ZNF865: variants seen among roughly 807,000 people sequenced by gnomAD.
ZNF865 encodes zinc finger protein 865.
For synonymous variants in ZNF865, 763 were observed against 750.8 expected, an observed-to-expected ratio of 1.02 and a Z score of -0.27; for missense variants, 1,311 against 1,593.4, an observed-to-expected ratio of 0.82 and a Z score of 3.02.
intron 1 of ZNF865, among the ~76,000 whole-genome samples, chr19:55,606,001 C>T (rs910392278): frequency 6.6e-6 from 1 of 152,126 alleles, no homozygotes; most frequent in African/African-American, 2.4e-5. Flanking sequence ...CAAATGATAC[C>T]TCCTCGTAGG....
Position 55,616,876 on chromosome 19 carries a change from C to T in ZNF865, c.*78C>T, listed in dbSNP as rs1313498652. 2.9e-6 allele frequency: 4 copies of T among 1,365,462 alleles called. No homozygotes were observed. Among genetic ancestry groups the T allele is most frequent in the Non-Finnish European group, 3.8e-6 (4 of 1,051,990 alleles). 84.6% of individuals were successfully genotyped at this position (1,365,462 alleles called of 1,614,324 possible). A position where few individuals can be genotyped will look rare whatever the true frequency, so the allele number is the denominator to read the frequency against. ...TCCCAGGACTGATCAGACTCTTCCC[C>T]CCTCCTCGCTGTTGCCCCATCCTTC... On this transcript the variant is annotated 3_prime_UTR_variant, in exon 2 of 2. Transcript: ENST00000568956.
chr19:55,614,910 G>A lies in ZNF865; in HGVS notation c.1292G>A (p.Gly431Glu), dbSNP rs764796680. The A allele has an allele frequency of 6.7e-6, 10 of 1,486,846 alleles. No homozygotes were observed. The South Asian group carries it at 9.1e-5, about 14-fold the overall frequency. 92.1% of individuals were successfully genotyped at this position (1,486,846 alleles called of 1,614,324 possible). A position where few individuals can be genotyped will look rare whatever the true frequency, so the allele number is the denominator to read the frequency against. ...CTCAAGCACCAGGCGGCCCACGCGG[G>A]GGCGGGCGCCGGGGGGCCTCGGCCC... ...YLLKHQAAHA[G>E]AGAGGPRPVY... The change falls in exon 2 of 2, where the codon GGG becomes GAG. Residue 431 changes from glycine to glutamate, a missense_variant. Coordinates refer to ENST00000568956, the MANE Select transcript of ZNF865 (RefSeq NM_001195605.2). The surrounding 1 kb of genome is among the most constrained non-coding windows in gnomAD (Gnocchi z 8.0).
At chr19:55,609,413 G>A (rs1981054955) in intron 1 of ZNF865, among the ~76,000 whole-genome samples, 1 of 152,166 alleles carries the variant, frequency 6.6e-6, no homozygotes, top group African/African-American at 2.4e-5. Context: ...GGGTTACTGG[G>A]AGGATTCGTT....
chr19:55,612,404 A>G (rs1981171364), intron 1 of ZNF865: 1 of 151,828 alleles, frequency 6.6e-6, no homozygotes, highest in African/African-American at 2.4e-5. Flanking sequence ...AAAAGAGTGC[A>G]CTCCCCATAC....
In ZNF865 at chr19:55,616,864, C is replaced by G. The variant is rs1260431615; in HGVS notation, c.*66C>G. The G allele has an allele frequency of 7.2e-7, 1 of 1,390,740 alleles. No individual in the cohort carries two copies. Among genetic ancestry groups the G allele is most frequent in the Non-Finnish European group, 9.3e-7 (1 of 1,070,396 alleles). The allele number at this position is 1,390,740 out of a possible 1,614,324, so 86.1% of individuals were successfully genotyped here. On this transcript the variant is annotated 3_prime_UTR_variant, in exon 2 of 2. Coordinates refer to ENST00000568956, the MANE Select transcript of ZNF865 (RefSeq NM_001195605.2). ...TGGACTCCCACCTCCCAGGACTGAT[C>G]AGACTCTTCCCCCCTCCTCGCTGTT...
At position 55,615,619 on chromosome 19, in the gene ZNF865, G is replaced by A. The variant is rs1381863430; in HGVS notation, c.2001G>A (p.Leu667=). 2 of 1,534,214 alleles carry A rather than the reference G, an allele frequency of 1.3e-6. No homozygotes were observed. Among genetic ancestry groups the A allele is most frequent in the Non-Finnish European group, 1.7e-6 (2 of 1,146,156 alleles). ...SGTSAGPTDG[L]SYACSDCGEH... ...CGTCTGCAGGGCCCACCGATGGGCT[G>A]AGCTACGCCTGCTCGGACTGCGGCG... is the stretch of plus-strand genomic sequence containing the variant. The change falls in exon 2 of 2, where the codon CTG becomes CTA. Residue 667 remains leucine (L), a synonymous_variant. Coordinates refer to ENST00000568956, the MANE Select transcript of ZNF865 (RefSeq NM_001195605.2).
intron 1 of ZNF865, chr19:55,612,725 G>A (rs1292057734): frequency 6.6e-6 from 1 of 152,174 alleles, no homozygotes; most frequent in African/African-American, 2.4e-5. Flanking sequence ...TAAGAGCCTT[G>A]CACATATGTG....
In ZNF865 at chr19:55,614,470, G is replaced by A. The variant is rs1265369190; in HGVS notation, c.852G>A (p.Pro284=). Residue 284 remains proline, a synonymous_variant, in exon 2 of 2, where the codon CCG becomes CCA. Coordinates refer to ENST00000568956, the MANE Select transcript of ZNF865 (RefSeq NM_001195605.2). The surrounding 1 kb of genome is among the most constrained non-coding windows in gnomAD (Gnocchi z 8.0). The part of the protein sequence containing the change: ...HKDVPPAAGG[P]PQPGPHLPPL... ...ACGTGCCACCGGCCGCGGGGGGCCCGCCCCAGCCCGGCCCCCACCTCCCGC... is the reference window on the plus strand; with the variant it reads ...ACGTGCCACCGGCCGCGGGGGGCCCACCCCAGCCCGGCCCCCACCTCCCGC... 2.6e-6 allele frequency: 3 copies of A among 1,172,934 alleles called. No homozygotes were observed. Among genetic ancestry groups the A allele is most frequent in the South Asian group, 1.6e-5 (1 of 63,034 alleles). The allele number at this position is 1,172,934 out of a possible 1,614,324, so 72.7% of individuals were successfully genotyped here.
chr19:55,615,903 C>T lies in ZNF865; in HGVS notation c.2285C>T (p.Ala762Val), dbSNP rs552114347. Reference sequence around the variant, plus strand: ...GCGGGGGAGGTGGGGGCGGCCGTGGCGGCACTGGCAGGGGTGTCTGGGGGT... The same window carrying T: ...GCGGGGGAGGTGGGGGCGGCCGTGGTGGCACTGGCAGGGGTGTCTGGGGGT... ...GLAGEVGAAV[A>V]ALAGVSGGED... is the part of the protein sequence containing the mutation. The change falls in exon 2 of 2, where the codon GCG (alanine) becomes GTG (valine). Residue 762 changes from alanine (A) to valine (V), a missense_variant. By Grantham distance (64) the Ala-to-Val change is moderately conservative. Coordinates refer to ENST00000568956, the MANE Select transcript of ZNF865 (RefSeq NM_001195605.2). 8.7e-4 allele frequency: 1,286 copies of T among 1,473,176 alleles called. 1 individual carries two copies. Among genetic ancestry groups the T allele is most frequent in the Non-Finnish European group, 1.0e-3 (1,171 of 1,119,952 alleles). 91.3% of individuals were successfully genotyped at this position (1,473,176 alleles called of 1,614,324 possible). A position where few individuals can be genotyped will look rare whatever the true frequency, so the allele number is the denominator to read the frequency against.
In ZNF865 at chr19:55,616,912, A is replaced by C; in HGVS notation, c.*114A>C. On this transcript the variant is annotated 3_prime_UTR_variant, in exon 2 of 2. Coordinates refer to ENST00000568956, the MANE Select transcript of ZNF865 (RefSeq NM_001195605.2). The stretch of plus-strand genomic sequence containing the variant: ...GTTGCCCCATCCTTCAGAACTTCAC[A>C]CGGACTGGCGACCTTCAGGGCGCAC... 7 of 1,186,742 alleles carry C rather than the reference A, an allele frequency of 5.9e-6. No individual in the cohort carries two copies. The highest frequency in any genetic ancestry group is 7.8e-6 in the Non-Finnish European group (7 of 899,634). 73.5% of individuals were successfully genotyped at this position (1,186,742 alleles called of 1,614,324 possible). A position where few individuals can be genotyped will look rare whatever the true frequency, so the allele number is the denominator to read the frequency against.
At chr19:55,610,403 G>A (rs1448667099) in intron 1 of ZNF865, among the ~76,000 whole-genome samples, 1 of 152,180 alleles carries the variant, frequency 6.6e-6, no homozygotes, top group African/African-American at 2.4e-5. Flanking sequence ...TGGGATTACA[G>A]GCGCCCACCA....
chr19:55,612,009 A>G (rs1981154655), intron 1 of ZNF865, among the ~76,000 whole-genome samples: 1 of 152,076 alleles, frequency 6.6e-6, no homozygotes, highest in Non-Finnish European at 1.5e-5. Context: ...CACTAAGGGC[A>G]AGGACATGGG....
chr19:55,613,906 G>A lies in ZNF865; in HGVS notation c.288G>A (p.Ser96=). ...KPKAEVPSSS[S]SSSSSSSSSS... ...AGGCGGAGGTGCCCTCCTCGTCCTCGTCCTCGTCCTCCTCCTCCTCCTCTT... is the reference window on the plus strand; with the variant it reads ...AGGCGGAGGTGCCCTCCTCGTCCTCATCCTCGTCCTCCTCCTCCTCCTCTT... The change falls in exon 2 of 2, where the codon TCG becomes TCA. Residue 96 remains serine (S), a synonymous_variant. Transcript: ENST00000568956. 6.6e-7 allele frequency: 1 copy of A among 1,517,608 alleles called. No individual in the cohort carries two copies. Among genetic ancestry groups the A allele is most frequent in the South Asian group, 1.2e-5 (1 of 83,332 alleles). The allele number at this position is 1,517,608 out of a possible 1,614,324, so 94.0% of individuals were successfully genotyped here. A position where few individuals can be genotyped will look rare whatever the true frequency, so the allele number is the denominator to read the frequency against.
Position 55,605,955 on chromosome 19 carries a change from A to G in ZNF865, c.-27+223A>G, listed in dbSNP as rs368668375. Among the ~76,000 whole-genome samples the G allele has an allele frequency of 5.3e-5, 8 of 152,010 alleles. 1 individual carries two copies. In the South Asian group the frequency reaches 1.0e-3, roughly 20 times the overall value. On this transcript the variant is annotated intron_variant, in intron 1 of 1. Coordinates refer to ENST00000568956, the MANE Select transcript of ZNF865 (RefSeq NM_001195605.2). ...CTAGGATGGCTGCCAAAGCGCTTTC[A>G]TTCGTGGCGATCCCCTAAACGGCTG...
Position 55,615,846 on chromosome 19 carries a change from C to T in ZNF865, c.2228C>T (p.Thr743Met), listed in dbSNP as rs1206258009. The change falls in exon 2 of 2, where the codon ACG (threonine) becomes ATG (methionine). Residue 743 changes from threonine (T) to methionine (M), a missense_variant. Physicochemically the swap from Thr to Met is moderately conservative, Grantham distance 81. Coordinates refer to ENST00000568956, the MANE Select transcript of ZNF865 (RefSeq NM_001195605.2). ...GLQPPDGSSG[T>M]DAASVLDNGL... ...CAGCCCCCGGACGGCTCCAGCGGCA[C>T]GGATGCGGCCAGCGTGCTGGACAAC... 4.7e-6 allele frequency: 7 copies of T among 1,496,182 alleles called. No individual in the cohort carries two copies. The highest frequency in any genetic ancestry group is 5.2e-5 in the East Asian group (2 of 38,564). The allele number at this position is 1,496,182 out of a possible 1,614,324, so 92.7% of individuals were successfully genotyped here.
rs1317640565 is a variant in ZNF865, at chr19:55,615,319, C to G, written c.1701C>G (p.Arg567=). The change falls in exon 2 of 2, where the codon CGC becomes CGG. Residue 567 remains arginine, a synonymous_variant. Transcript: ENST00000568956. ...RGFGRRETLK[R]HERIHTGEKP... ...TCGGGCGCCGCGAGACCCTGAAGCG[C>G]CATGAGCGCATCCACACGGGCGAGA... 6.6e-7 allele frequency: 1 copy of G among 1,525,562 alleles called. No homozygotes were observed. The allele number at this position is 1,525,562 out of a possible 1,614,324, so 94.5% of individuals were successfully genotyped here.
intron 1 of ZNF865, among the ~76,000 whole-genome samples, chr19:55,608,151 C>T (rs1204661001): frequency 1.3e-5 from 2 of 151,904 alleles, no homozygotes; most frequent in African/African-American, 4.8e-5. Context: ...GACAGTTGAC[C>T]AAAGATGGGG....
Position 55,616,230 on chromosome 19 carries a change from C to T in ZNF865, c.2612C>T (p.Thr871Met). ...ALLMRHQRCHTEQRPYRCGVC... is the reference protein window; with the variant it reads ...ALLMRHQRCHMEQRPYRCGVC... Reference sequence around the variant, plus strand: ...CTGATGCGCCACCAGCGCTGCCACACGGAACAGCGGCCGTACCGATGTGGC... The same window carrying T: ...CTGATGCGCCACCAGCGCTGCCACATGGAACAGCGGCCGTACCGATGTGGC... The change falls in exon 2 of 2, where the codon ACG becomes ATG. Residue 871 changes from threonine (T) to methionine (M), a missense_variant. Physicochemically the swap from Thr to Met is moderately conservative, Grantham distance 81 (BLOSUM62 -1). Coordinates refer to ENST00000568956, the MANE Select transcript of ZNF865 (RefSeq NM_001195605.2). 6.6e-7 allele frequency: 1 copy of T among 1,523,932 alleles called. No homozygotes were observed. The highest frequency in any genetic ancestry group is 8.8e-7 in the Non-Finnish European group (1 of 1,140,372). 94.4% of individuals were successfully genotyped at this position (1,523,932 alleles called of 1,614,324 possible).
At chr19:55,613,275 C>T (rs985193209) in intron 1 of ZNF865, among the ~76,000 whole-genome samples, 19 of 152,144 alleles carry the variant, frequency 1.2e-4, no homozygotes, top group African/African-American at 4.6e-4. Context: ...AGGAGAGGGT[C>T]CCCTCTACAA....
Sources: allele counts gnomAD v4.1 joint callset (sites outside exome capture counted in the v4.1 genomes callset), GRCh38; gene constraint gnomAD v4.1.1; non-coding constraint Gnocchi (gnomAD v3.1); transcripts MANE v1.5; gene names NCBI Gene and HGNC (gene_info 2026-07-23, HGNC 2026-07-21).